NELL2: variants seen among roughly 807,000 people sequenced by gnomAD.
NELL2 encodes protein kinase C-binding protein NELL2.
NELL2 carries 41 observed loss-of-function variants against 109.6 expected under a neutral mutation model. The observed-to-expected ratio is 0.37, with a 90% CI of 0.29 to 0.49. The LOEUF (loss-of-function observed/expected upper bound fraction) is 0.49. Among genes scored for constraint, NELL2 ranks in the 20% least tolerant of loss-of-function variants. The pLI is 0.98. For missense variants in NELL2, 900 were observed against 1,008.3 expected (o/e 0.89, Z 1.45); for synonymous variants, 355 against 344.7 (o/e 1.03, Z -0.33).
chr12:44,582,604 G>A (rs1280210110), intron 15 of NELL2, among the ~76,000 whole-genome samples: 2 of 152,090 alleles, frequency 1.3e-5, no homozygotes, highest in Admixed American at 6.6e-5. Flanking sequence ...CCGAAAGGTA[G>A]AATGCTTTAA....
upstream of NELL2, among the ~76,000 whole-genome samples, chr12:44,880,114 T>TACACAC (rs747220208): frequency 0.016 from 2,252 of 137,052 alleles, 46 homozygotes; most frequent in Admixed American, 0.052. Context: ...TCAAGAAACA[T>TACACAC]ACACACACAC....
intron 15 of NELL2, among the ~76,000 whole-genome samples, chr12:44,570,904 T>A (rs1409168151): frequency 2.0e-5 from 3 of 152,160 alleles, no homozygotes; most frequent in African/African-American, 7.2e-5. Context: ...CAAAATGTTG[T>A]ATGGTACTGC....
intron 2 of NELL2, among the ~76,000 whole-genome samples, chr12:44,825,149 G>T (rs945666559): frequency 6.6e-6 from 1 of 152,028 alleles, no homozygotes; most frequent in Non-Finnish European, 1.5e-5. Flanking sequence ...GTGGGAATAT[G>T]TCATTGAAAT....
At chr12:44,816,846 T>C (rs1442711016) in intron 2 of NELL2, among the ~76,000 whole-genome samples, 2 of 152,340 alleles carry the variant, frequency 1.3e-5, no homozygotes, top group African/African-American at 4.8e-5. Flanking sequence ...GTTTTAGCCT[T>C]GTACTCCAAC....
Position 44,685,121 on chromosome 12 carries a change from A to G in NELL2, c.1318+18605T>C, listed in dbSNP as rs1217485898. ...GTGCTCCTGTATTGGATGCATATAT[A>G]TTTAGGATAGTTAGTTCTTCTTGTT... On this transcript the variant is annotated intron_variant, in intron 12 of 19. Coordinates refer to ENST00000429094, the MANE Select transcript of NELL2 (RefSeq NM_001145108.2). Among the ~76,000 whole-genome samples, 5 of 152,186 alleles carry G rather than the reference A, an allele frequency of 3.3e-5. No homozygotes were observed. In the East Asian group the frequency reaches 9.6e-4, roughly 29 times the overall value.
chr12:44,869,823 T>C (rs966008432), intron 2 of NELL2, among the ~76,000 whole-genome samples: 28 of 152,214 alleles, frequency 1.8e-4, no homozygotes, highest in Admixed American at 6.5e-4. Context: ...TATCCTATTT[T>C]AACATGTTTT....
intron 9 of NELL2, among the ~76,000 whole-genome samples, chr12:44,753,660 T>C (rs1940754781): frequency 6.6e-6 from 1 of 152,176 alleles, no homozygotes; most frequent in South Asian, 2.1e-4. Context: ...CATAGGACTA[T>C]TCTAGGGATT....
intron 13 of NELL2, among the ~76,000 whole-genome samples, chr12:44,623,458 G>C (rs779930718): frequency 1.2e-4 from 18 of 152,062 alleles, no homozygotes; most frequent in Non-Finnish European, 2.1e-4. Flanking sequence ...TGATAATGTG[G>C]TTAGAGTGCC....
intron 13 of NELL2, among the ~76,000 whole-genome samples, chr12:44,655,001 T>C (rs1025422625): frequency 1.3e-5 from 2 of 152,308 alleles, no homozygotes; most frequent in Non-Finnish European, 1.5e-5. Flanking sequence ...TCCTCTCCTC[T>C]GCAGGTGTCT....
intron 1 of NELL2, among the ~76,000 whole-genome samples, chr12:44,893,008 T>C (rs1945553509): frequency 6.6e-6 from 1 of 152,184 alleles, no homozygotes; most frequent in Non-Finnish European, 1.5e-5. Context: ...CACAATACTC[T>C]ATCAGTCCAC....
At chr12:44,833,756 A>G (rs754667165) in intron 2 of NELL2, among the ~76,000 whole-genome samples, 1 of 152,164 alleles carries the variant, frequency 6.6e-6, no homozygotes, top group Non-Finnish European at 1.5e-5. Context: ...ATACCTGATA[A>G]TCTCACACAC....
chr12:44,681,148 T>A (rs1446039676), intron 12 of NELL2, among the ~76,000 whole-genome samples: 1 of 151,172 alleles, frequency 6.6e-6, no homozygotes. Flanking sequence ...GTCATACATA[T>A]CCATGTCAAT....
chr12:44,625,731 G>C (rs1053417581), intron 13 of NELL2, among the ~76,000 whole-genome samples: 1 of 151,952 alleles, frequency 6.6e-6, no homozygotes, highest in Non-Finnish European at 1.5e-5. Flanking sequence ...TAAACTCCTG[G>C]ACTCTCCTCT....
chr12:44,841,734 G>A (rs1944231199), intron 2 of NELL2, among the ~76,000 whole-genome samples: 1 of 152,110 alleles, frequency 6.6e-6, no homozygotes, highest in East Asian at 1.9e-4. Flanking sequence ...TGGGCTATAA[G>A]CTGAACAGAG....
At chr12:44,887,043 G>A (rs187202840) in intron 1 of NELL2, among the ~76,000 whole-genome samples, 6 of 152,056 alleles carry the variant, frequency 3.9e-5, no homozygotes, top group East Asian at 3.9e-4. Context: ...AGTTTGATTC[G>A]TAGTTTGGCT....
intron 19 of NELL2, among the ~76,000 whole-genome samples, chr12:44,510,144 T>C (rs1940929924): frequency 6.6e-6 from 1 of 152,184 alleles, no homozygotes; most frequent in African/African-American, 2.4e-5. Flanking sequence ...ACCAGCTAAC[T>C]CATAGATAAT....
intron 1 of NELL2, among the ~76,000 whole-genome samples, chr12:44,893,416 T>C (rs1396343974): frequency 6.6e-6 from 1 of 152,244 alleles, no homozygotes; most frequent in African/African-American, 2.4e-5. Flanking sequence ...TTTAGAAATA[T>C]ATGTATAATC....
chr12:44,823,373 T>G (rs1176418769), intron 2 of NELL2, among the ~76,000 whole-genome samples: 1 of 152,176 alleles, frequency 6.6e-6, no homozygotes, highest in Non-Finnish European at 1.5e-5. Flanking sequence ...AACTTTGTAC[T>G]CTTTCACTAA....
At chr12:44,882,472 G>GTA (rs1472784532) in intron 1 of NELL2, among the ~76,000 whole-genome samples, 2 of 150,818 alleles carry the variant, frequency 1.3e-5, no homozygotes, top group African/African-American at 2.5e-5. Context: ...ATACATATGT[G>GTA]TATATATACA....
Sources: gnomAD v4.1 joint callset for allele counts (sites outside exome capture counted in the v4.1 genomes callset) on GRCh38, gnomAD v4.1.1 for gene constraint, MANE v1.5 for transcripts, NCBI Gene and HGNC (gene_info 2026-07-23, HGNC 2026-07-21) for gene names.